IGF2R: variants seen among roughly 807,000 people sequenced by gnomAD.
IGF2R encodes cation-independent mannose-6-phosphate receptor.
In IGF2R, 91 loss-of-function variants were observed where a neutral mutation model predicts 270.6. The ratio of observed to expected loss-of-function variants is 0.34; its 90% confidence interval spans 0.28 to 0.40. IGF2R has a LOEUF of 0.40. IGF2R is among the 10% of genes least tolerant of loss of function. The probability of loss-of-function intolerance (pLI) is 1.00; values close to 1 mark genes in which losing one functional copy is unlikely to be tolerated. For synonymous variants in IGF2R, 1,316 were observed against 1,258.9 expected (o/e 1.05, Z -0.96); for missense variants, 2,805 against 3,188.3 (o/e 0.88, Z 2.90).
intron 47 of IGF2R, among the ~76,000 whole-genome samples, chr6:160,104,141 A>G (rs924341006): frequency 6.6e-6 from 1 of 152,082 alleles, no homozygotes; most frequent in Admixed American, 6.5e-5. Flanking sequence ...TAGCATTTGG[A>G]TGATTTCTTT....
intron 6 of IGF2R, 47 bp downstream of exon 6, chr6:160,027,361 G>C: frequency 6.4e-7 from 1 of 1,563,894 alleles, no homozygotes; most frequent in South Asian, 1.2e-5. Flanking sequence ...TCTCCAGCAA[G>C]GACCTGACTT....
chr6:159,996,722 A>G (rs1285683561), intron 2 of IGF2R, among the ~76,000 whole-genome samples: 5 of 152,140 alleles, frequency 3.3e-5, no homozygotes, highest in Admixed American at 2.6e-4. Flanking sequence ...TACGAGAGAC[A>G]CCTGTCCATG....
chr6:160,061,016 CAG>C (rs1483878807), intron 23 of IGF2R, among the ~76,000 whole-genome samples: 1 of 152,016 alleles, frequency 6.6e-6, no homozygotes, highest in Non-Finnish European at 1.5e-5. Flanking sequence ...CATGTACTGT[CAG>C]AGCTTCTTAT....
Position 160,029,667 on chromosome 6 carries a change from G to T in IGF2R, c.882+12G>T. On this transcript the variant is annotated intron_variant, in intron 7 of 47. Transcript: ENST00000356956. Reference sequence around the variant, plus strand: ...CGGAGCGGAGAGAGGTAAGTGACTCGTCTCCTGATCACTAATGTGGCGCAC... The same window carrying T: ...CGGAGCGGAGAGAGGTAAGTGACTCTTCTCCTGATCACTAATGTGGCGCAC... 6.3e-7 allele frequency: 1 copy of T among 1,575,782 alleles called. No individual in the cohort carries two copies.
At chr6:160,026,244 T>C (rs1346505842) in intron 5 of IGF2R, among the ~76,000 whole-genome samples, 3 of 152,238 alleles carry the variant, frequency 2.0e-5, no homozygotes, top group Admixed American at 1.3e-4. Context: ...AGTCCATTTG[T>C]GAAATTTCAT....
intron 1 of IGF2R, among the ~76,000 whole-genome samples, chr6:159,977,417 A>T (rs1314202142): frequency 6.6e-6 from 1 of 152,134 alleles, no homozygotes; most frequent in Non-Finnish European, 1.5e-5. Flanking sequence ...AGACTAGGGG[A>T]TGGGCAGGAT....
chr6:160,072,638 CAG>C (rs1244693450), intron 32 of IGF2R, 125 bp from the exon 33 acceptor site: 12 of 933,284 alleles, frequency 1.3e-5, no homozygotes, highest in East Asian at 2.6e-5. Flanking sequence ...GGATTTAGGA[CAG>C]GGGTCGTGGT....
chr6:160,024,483 G>T (rs1583265976), intron 4 of IGF2R, 89 bp from the exon 5 acceptor site: 1 of 1,258,826 alleles, frequency 7.9e-7, no homozygotes, highest in Non-Finnish European at 1.1e-6. Context: ...CTAAGGAATG[G>T]AGAGCAGTGT....
intron 4 of IGF2R, among the ~76,000 whole-genome samples, chr6:160,018,050 G>T (rs371312090): frequency 4.4e-4 from 67 of 152,140 alleles, no homozygotes; most frequent in African/African-American, 1.3e-3. Context: ...CCACATAAAA[G>T]ATACAGATTG....
chr6:160,050,527 C>G lies in IGF2R; in HGVS notation c.2569C>G (p.Pro857Ala). Residue 857 changes from proline to alanine, a missense_variant, in exon 19 of 48, where the codon CCG becomes GCG. Physicochemically the swap from Pro to Ala is conservative, Grantham distance 27. This residue lies in a region of IGF2R where 1,851 missense variants were observed against 2,207.2 expected (regional missense o/e 0.84). Coordinates refer to ENST00000356956, the MANE Select transcript of IGF2R (RefSeq NM_000876.4). The surrounding 1 kb of genome is among the most constrained non-coding windows in gnomAD (Gnocchi z 4.0). ...TAACTTGGGAATGGCAAAGACCGGC[C>G]CGGTGGTTGAGGACAGCGGCAGCCT... The part of the protein sequence containing the change: ...ISNLGMAKTG[P>A]VVEDSGSLLL... 2 of 1,614,082 alleles carry G rather than the reference C, an allele frequency of 1.2e-6. No homozygotes were observed. Among genetic ancestry groups the G allele is most frequent in the South Asian group, 2.2e-5 (2 of 91,080 alleles).
In IGF2R at chr6:160,109,987, A is replaced by C. The variant is rs564436556; in HGVS notation, c.*4903A>C. On this transcript the variant is annotated 3_prime_UTR_variant, in exon 48 of 48. Transcript: ENST00000356956. ...TGTATGTTGTTAACAGATGTTTTGC[A>C]AAAAATGAAAAGGACCTGAGCTCTA... 7.2e-5 allele frequency: 11 copies of C among 152,088 alleles called. No individual in the cohort carries two copies. Among genetic ancestry groups the C allele is most frequent in the African/African-American group, 2.7e-4 (11 of 41,340 alleles). 9.4% of individuals were successfully genotyped at this position (152,088 alleles called of 1,614,324 possible). A position where few individuals can be genotyped will look rare whatever the true frequency, so the allele number is the denominator to read the frequency against.
Position 160,063,489 on chromosome 6 carries a change from A to G in IGF2R, c.3745A>G (p.Ile1249Val). The G allele has an allele frequency of 1.2e-6, 2 of 1,613,886 alleles. No homozygotes were observed. Among genetic ancestry groups the G allele is most frequent in the Non-Finnish European group, 1.7e-6 (2 of 1,180,040 alleles). ...GAAGCCCCTGGGCCTCAACGACACC[A>G]TCGTGAGCGCTGGCGAATACACTTA... ...DLKPLGLNDT[I>V]VSAGEYTYYF... The change falls in exon 27 of 48, where the codon ATC (isoleucine) becomes GTC (valine). Residue 1249 changes from isoleucine (I) to valine (V), a missense_variant. Coordinates refer to ENST00000356956, the MANE Select transcript of IGF2R (RefSeq NM_000876.4).
intron 44 of IGF2R, chr6:160,093,010 C>G (rs1779264199): frequency 6.6e-6 from 1 of 152,338 alleles, no homozygotes; most frequent in African/African-American, 2.4e-5. Context: ...ACAGAGCTCC[C>G]TGGAAGCAGT....
intron 2 of IGF2R, among the ~76,000 whole-genome samples, chr6:159,996,401 G>T (rs1330868222): frequency 6.6e-6 from 1 of 152,176 alleles, no homozygotes; most frequent in African/African-American, 2.4e-5. Flanking sequence ...CAGTGGAGTG[G>T]TCTGTGGAAT....
At chr6:159,983,147 G>C (rs1783831060) in intron 1 of IGF2R, among the ~76,000 whole-genome samples, 1 of 152,132 alleles carries the variant, frequency 6.6e-6, no homozygotes, top group Non-Finnish European at 1.5e-5. Flanking sequence ...TAAGCTTTTT[G>C]AACTCTAGGC....
chr6:160,063,337 A>G lies in IGF2R; in HGVS notation c.3671-78A>G, dbSNP rs1009357219. ...CAGGCGTGAGCCACTGCGCCCGGCC[A>G]TTTGTAAAGCTTTTTGCTTGAAAAT... On this transcript the variant is annotated intron_variant, in intron 26 of 47. Transcript: ENST00000356956. 17 of 1,191,406 alleles carry G rather than the reference A, an allele frequency of 1.4e-5. No individual in the cohort carries two copies. In the South Asian group the frequency reaches 1.9e-4, roughly 13 times the overall value. The allele number at this position is 1,191,406 out of a possible 1,614,324, so 73.8% of individuals were successfully genotyped here.
chr6:160,032,412 C>T, intron 7 of IGF2R, 139 bp from the exon 8 acceptor site: 1 of 665,332 alleles, frequency 1.5e-6, no homozygotes, highest in Non-Finnish European at 2.5e-6. Context: ...GTGTTAGAGG[C>T]AATTATGATT....
chr6:159,990,090 A>G (rs1783953248), intron 1 of IGF2R, among the ~76,000 whole-genome samples: 2 of 152,266 alleles, frequency 1.3e-5, no homozygotes, highest in African/African-American at 2.4e-5. Flanking sequence ...TAAAAGCAGA[A>G]GTGGAGCTGC....
rs1478058280 is a variant in IGF2R at position 160,010,803 on chromosome 6, A to C, written c.513+18A>C. The stretch of plus-strand genomic sequence containing the variant: ...ATAAGGAGGTAACATGGGAACTTCA[A>C]ATTACATGCTTATGAAGTATACTCT... On this transcript the variant is annotated intron_variant, in intron 4 of 47. Transcript: ENST00000356956. The C allele has an allele frequency of 2.2e-6, 3 of 1,350,796 alleles. No individual in the cohort carries two copies. Among genetic ancestry groups the C allele is most frequent in the East Asian group, 2.3e-5 (1 of 43,644 alleles). 83.7% of individuals were successfully genotyped at this position (1,350,796 alleles called of 1,614,324 possible). A position where few individuals can be genotyped will look rare whatever the true frequency, so the allele number is the denominator to read the frequency against.
Sources: allele counts gnomAD v4.1 joint callset (sites outside exome capture counted in the v4.1 genomes callset), GRCh38; gene constraint gnomAD v4.1.1; regional missense constraint gnomAD v4.1.1; non-coding constraint Gnocchi (gnomAD v3.1); transcripts MANE v1.5; gene names NCBI Gene and HGNC (gene_info 2026-07-23, HGNC 2026-07-21).